KLF8: variants seen among roughly 807,000 people sequenced by gnomAD.
The protein encoded by KLF8 is KLF transcription factor 8.
Under a neutral mutation model 18.2 loss-of-function variants are expected in KLF8, and 10 were observed. The observed-to-expected ratio is 0.55, with a 90% confidence interval of 0.34 to 0.93. The LOEUF (loss-of-function observed/expected upper bound fraction) is 0.93, where lower values mean the gene tolerates loss of function less well. Ranked by LOEUF, KLF8 falls within the 40% of genes least tolerant of loss-of-function variation. KLF8 has a pLI of 0.02. For synonymous variants in KLF8, 109 were observed against 97.3 expected (o/e 1.12, Z -0.71); for missense variants, 264 against 277.9 (o/e 0.95, Z 0.36).
chrX:56,176,881 C>T, the KLF8 span, among the ~76,000 whole-genome samples: 1 of 111,951 alleles, frequency 8.9e-6, no homozygotes, highest in Non-Finnish European at 1.9e-5. Context: ...ACCCTTTCTT[C>T]CAGTTGATCG....
chrX:56,155,007 G>A, the KLF8 span, among the ~76,000 whole-genome samples: 3 of 111,960 alleles, frequency 2.7e-5, no homozygotes, highest in East Asian at 2.8e-4. Context: ...ACTGTTGGTG[G>A]GACTGTAAAC....
chrX:55,971,005 T>C, the KLF8 span, among the ~76,000 whole-genome samples: 1 of 111,440 alleles, frequency 9.0e-6, no homozygotes, highest in Non-Finnish European at 1.9e-5. Flanking sequence ...AGTCTGCAGA[T>C]TAAATGCAAT....
the KLF8 span, among the ~76,000 whole-genome samples, chrX:56,169,827 C>G: frequency 1.8e-5 from 2 of 111,462 alleles, no homozygotes; most frequent in South Asian, 3.8e-4. Flanking sequence ...TGTAATGCCC[C>G]AGGGCCTTTT....
At chrX:55,981,035 A>G in the KLF8 span, among the ~76,000 whole-genome samples, 2 of 111,501 alleles carry the variant, frequency 1.8e-5, no homozygotes, top group Non-Finnish European at 3.8e-5. Context: ...TCTACTAAAA[A>G]TACAAAATAT....
the KLF8 span, among the ~76,000 whole-genome samples, chrX:55,940,553 A>G: frequency 4.6e-4 from 51 of 111,773 alleles, no homozygotes; most frequent in South Asian, 0.019. Context: ...GAAAGAAATA[A>G]AGGACATTCA....
At chrX:56,005,765 G>A in the KLF8 span, among the ~76,000 whole-genome samples, 1 of 112,275 alleles carries the variant, frequency 8.9e-6, no homozygotes, top group Non-Finnish European at 1.9e-5. Context: ...GTTGGTGGGT[G>A]GCTGTGGGTG....
rs2067317989 is a variant in KLF8, at chrX:56,291,080, G to T, written c.*6586G>T. ...TTTTTTGACAGGCAGTCACACAGGT[G>T]AGCAGTGCCAGAAACTGGTTCTCTT... On this transcript the variant is annotated 3_prime_UTR_variant, in exon 6 of 6. Coordinates refer to ENST00000468660, the MANE Select transcript of KLF8 (RefSeq NM_007250.5). 9.0e-6 allele frequency among the ~76,000 whole-genome samples: 1 copy of T among 111,657 alleles called. No individual in the cohort carries two copies. Among genetic ancestry groups the T allele is most frequent in the Admixed American group, 9.5e-5 (1 of 10,486 alleles).
chrX:55,944,818 G>A, the KLF8 span, among the ~76,000 whole-genome samples: 2 of 111,106 alleles, frequency 1.8e-5, no homozygotes, highest in African/African-American at 6.5e-5. Flanking sequence ...GGTTTTTTGT[G>A]TCTCTATTTC....
At chrX:55,952,646 C>T in the KLF8 span, among the ~76,000 whole-genome samples, 2 of 111,950 alleles carry the variant, frequency 1.8e-5, no homozygotes, top group African/African-American at 6.5e-5. Context: ...CTTTCTTAAT[C>T]ACATCTGTAA....
chrX:56,202,132 A>G, the KLF8 span, among the ~76,000 whole-genome samples: 3 of 111,288 alleles, frequency 2.7e-5, no homozygotes, highest in Non-Finnish European at 5.7e-5. Flanking sequence ...GTACTGTCCA[A>G]TAGTCCTCCA....
At chrX:56,238,808 CTT>C (rs1016427312) in intron 1 of KLF8, among the ~76,000 whole-genome samples, 1 of 112,093 alleles carries the variant, frequency 8.9e-6, no homozygotes, top group Non-Finnish European at 1.9e-5. Context: ...CCTTAAAACA[CTT>C]TTAAAAATTA....
the KLF8 span, among the ~76,000 whole-genome samples, chrX:56,225,245 G>A: frequency 9.0e-6 from 1 of 110,864 alleles, no homozygotes; most frequent in African/African-American, 3.3e-5. Context: ...TAAATCTGGG[G>A]TGACCGTCCT....
the KLF8 span, among the ~76,000 whole-genome samples, chrX:56,021,937 C>A: frequency 9.6e-6 from 1 of 104,368 alleles, no homozygotes; most frequent in African/African-American, 3.6e-5. Flanking sequence ...ATTGATGTCC[C>A]AGAAATGTGT....
the KLF8 span, among the ~76,000 whole-genome samples, chrX:56,214,172 G>T: frequency 3.6e-5 from 4 of 110,640 alleles, no homozygotes; most frequent in African/African-American, 9.9e-5. Context: ...GGTATAGGAT[G>T]GGGGGTGAGG....
At chrX:56,107,591 A>G in the KLF8 span, among the ~76,000 whole-genome samples, 2 of 111,637 alleles carry the variant, frequency 1.8e-5, no homozygotes, top group South Asian at 7.6e-4. Flanking sequence ...CAGTATTTGG[A>G]TGGGAGTTTC....
chrX:56,133,724 T>G, the KLF8 span, among the ~76,000 whole-genome samples: 1 of 111,481 alleles, frequency 9.0e-6, no homozygotes, highest in African/African-American at 3.3e-5. Flanking sequence ...GAAATCAAAC[T>G]ATAACTGTTT....
chrX:56,232,468 G>C lies in KLF8; in HGVS notation c.-867G>C, dbSNP rs1221229923. On this transcript the variant is annotated 5_prime_UTR_variant, in exon 1 of 6. Transcript: ENST00000468660. The stretch of plus-strand genomic sequence containing the variant: ...GGGCCTAGCAGGGCCAGAGAAAGAC[G>C]GAATCACTCTACCCACTCAGGTTGC... 9.0e-6 allele frequency: 1 copy of C among 111,177 alleles called. No individual in the cohort carries two copies. Among genetic ancestry groups the C allele is most frequent in the Admixed American group, 9.5e-5 (1 of 10,540 alleles). 9.2% of individuals were successfully genotyped at this position (111,177 alleles called of 1,213,427 possible).
At chrX:56,119,038 A>C in the KLF8 span, among the ~76,000 whole-genome samples, 1 of 111,183 alleles carries the variant, frequency 9.0e-6, no homozygotes, top group East Asian at 2.8e-4. Flanking sequence ...TGCAGGACCC[A>C]GGATAGCTTT....
At chrX:56,175,334 C>T in the KLF8 span, among the ~76,000 whole-genome samples, 1 of 112,069 alleles carries the variant, frequency 8.9e-6, no homozygotes, top group Admixed American at 9.5e-5. Flanking sequence ...ATCTTTATTT[C>T]TGCCTTCTTT....
Sources: allele counts gnomAD v4.1 joint callset (sites outside exome capture counted in the v4.1 genomes callset), GRCh38; gene constraint gnomAD v4.1.1; transcripts MANE v1.5; gene names NCBI Gene and HGNC (gene_info 2026-07-23, HGNC 2026-07-21).